The following CADM2 variants were observed in gnomAD, a reference collection of about 807,000 sequenced individuals.
CADM2 encodes cell adhesion molecule 2, also known as immunoglobulin superfamily member 4D.
In CADM2, 12 loss-of-function variants were observed where a neutral mutation model predicts 49.8. That is an observed-to-expected ratio of 0.24 (90% CI 0.15 to 0.39). The LOEUF (loss-of-function observed/expected upper bound fraction) is 0.39. CADM2 is among the 10% of genes least tolerant of loss of function. The pLI is 1.00. For synonymous variants in CADM2, 214 were observed against 175.4 expected, an observed-to-expected ratio of 1.22 and a Z score of -1.74; for missense variants, 378 against 492.3, an observed-to-expected ratio of 0.77 and a Z score of 2.20.
rs1420725040 is a variant in CADM2 at position 85,398,608 on chromosome 3, G to T, written c.62-327914G>T. On this transcript the variant is annotated intron_variant, in intron 1 of 9. Transcript: ENST00000383699. ...TGTCTTCCCCAATGGTTGAACTAGTGTACAGTCCCACCAACAGTGTAAAAG... is the reference window on the plus strand; with the variant it reads ...TGTCTTCCCCAATGGTTGAACTAGTTTACAGTCCCACCAACAGTGTAAAAG... Among the ~76,000 whole-genome samples, 4 of 152,222 alleles carry T rather than the reference G, an allele frequency of 2.6e-5. 1 individual carries two copies. In the East Asian group the frequency reaches 7.7e-4, roughly 29 times the overall value.
At chr3:85,144,418 C>G (rs2039670478) in intron 1 of CADM2, among the ~76,000 whole-genome samples, 1 of 151,614 alleles carries the variant, frequency 6.6e-6, no homozygotes, top group Admixed American at 6.6e-5. Context: ...CGTGACCAGC[C>G]CTGGCCAACG....
At chr3:85,785,306 C>A (rs1291699236) in intron 2 of CADM2, among the ~76,000 whole-genome samples, 1 of 151,904 alleles carries the variant, frequency 6.6e-6, no homozygotes, top group Non-Finnish European at 1.5e-5. Context: ...TTCTTTTATG[C>A]ACTAATTTTG....
intron 1 of CADM2, among the ~76,000 whole-genome samples, chr3:85,047,409 C>T (rs2035709343): frequency 6.6e-6 from 1 of 152,014 alleles, no homozygotes; most frequent in Non-Finnish European, 1.5e-5. Flanking sequence ...AGGAGGTCCC[C>T]AAGGCTATTT....
chr3:85,656,249 GAATA>G (rs1274283471), intron 1 of CADM2, among the ~76,000 whole-genome samples: 2 of 151,910 alleles, frequency 1.3e-5, no homozygotes, highest in African/African-American at 2.4e-5. Flanking sequence ...AATAAAAGTT[GAATA>G]AATAAAATTC....
intron 1 of CADM2, among the ~76,000 whole-genome samples, chr3:85,620,676 T>A (rs2063947355): frequency 6.6e-6 from 1 of 152,136 alleles, no homozygotes; most frequent in South Asian, 2.1e-4. Flanking sequence ...TGTAGACATA[T>A]GTGCAATCCT....
intron 3 of CADM2, among the ~76,000 whole-genome samples, chr3:85,857,275 A>G (rs2075354145): frequency 6.6e-6 from 1 of 152,126 alleles, no homozygotes; most frequent in Non-Finnish European, 1.5e-5. Context: ...TGAAACATTC[A>G]GTTCACTGTA....
chr3:85,141,441 TGAG>T lies in CADM2; in HGVS notation c.61+181777_61+181779del, dbSNP rs2039573331. ...AAACGTTTATTCTGTAGGAGATATTTGAGGAGTAGTAGTGATAGTAGTGGTTTT... is the reference window on the plus strand; with the variant it reads ...AAACGTTTATTCTGTAGGAGATATTTGAGTAGTAGTGATAGTAGTGGTTTT... On this transcript the variant is annotated intron_variant, in intron 1 of 9. Coordinates refer to ENST00000383699, the MANE Select transcript of CADM2 (RefSeq NM_001167675.2). 2.6e-5 allele frequency among the ~76,000 whole-genome samples: 4 copies of T among 152,280 alleles called. No individual in the cohort carries two copies. In the South Asian group the frequency reaches 8.3e-4, roughly 32 times the overall value.
intron 8 of CADM2, among the ~76,000 whole-genome samples, chr3:86,017,021 A>G (rs1231367714): frequency 6.6e-6 from 1 of 151,806 alleles, no homozygotes; most frequent in Non-Finnish European, 1.5e-5. Context: ...TACAATAATC[A>G]TTTTCTAACC....
chr3:85,887,562 C>CA (rs1001092549), intron 5 of CADM2, among the ~76,000 whole-genome samples: 4 of 151,716 alleles, frequency 2.6e-5, no homozygotes, highest in Non-Finnish European at 5.9e-5. Flanking sequence ...ATATTTTTCC[C>CA]AAAAAAGGTC....
At chr3:85,445,975 A>T (rs2037432003) in intron 1 of CADM2, among the ~76,000 whole-genome samples, 1 of 152,196 alleles carries the variant, frequency 6.6e-6, no homozygotes, top group African/African-American at 2.4e-5. Context: ...AAGCTTCTAC[A>T]AATATTTTAC....
At chr3:85,741,535 G>A (rs567650406) in intron 2 of CADM2, among the ~76,000 whole-genome samples, 17 of 150,454 alleles carry the variant, frequency 1.1e-4, no homozygotes, top group African/African-American at 3.5e-4. Context: ...GGGCATGGTG[G>A]TGCATGCCTG....
At chr3:85,581,570 G>A (rs1046239754) in intron 1 of CADM2, among the ~76,000 whole-genome samples, 4 of 152,010 alleles carry the variant, frequency 2.6e-5, no homozygotes, top group African/African-American at 9.7e-5. Context: ...TGTATTTGCA[G>A]CACAATTACA....
chr3:85,972,386 T>A (rs1435953355), intron 8 of CADM2, among the ~76,000 whole-genome samples: 3 of 151,768 alleles, frequency 2.0e-5, no homozygotes, highest in African/African-American at 7.2e-5. Flanking sequence ...CCTCAAGTTC[T>A]AACACTTCTA....
At chr3:85,096,031 C>G (rs1284579392) in intron 1 of CADM2, among the ~76,000 whole-genome samples, 5 of 151,980 alleles carry the variant, frequency 3.3e-5, no homozygotes, top group African/African-American at 1.2e-4. Flanking sequence ...AGTAAAAATT[C>G]TAGAGGGGAG....
intron 1 of CADM2, among the ~76,000 whole-genome samples, chr3:85,321,116 A>ATATATAT (rs2044596196): frequency 1.1e-4 from 3 of 27,502 alleles, no homozygotes; most frequent in African/African-American, 1.5e-4. Flanking sequence ...ATATATATAT[A>ATATATAT]TTTTTTTTTT....
At chr3:85,993,138 A>C (rs1728989832) in intron 8 of CADM2, 1 of 152,200 alleles carries the variant, frequency 6.6e-6, no homozygotes, top group Admixed American at 6.5e-5. Context: ...CAGGAGTTCA[A>C]GACCACCGTG....
intron 1 of CADM2, among the ~76,000 whole-genome samples, chr3:85,440,986 A>G (rs1226196082): frequency 6.6e-6 from 1 of 152,068 alleles, no homozygotes; most frequent in Non-Finnish European, 1.5e-5. Context: ...TAAATAATAA[A>G]AAGACATATT....
intron 1 of CADM2, among the ~76,000 whole-genome samples, chr3:85,114,936 T>G (rs2038589921): frequency 6.6e-6 from 1 of 152,164 alleles, no homozygotes; most frequent in African/African-American, 2.4e-5. Flanking sequence ...TAAAGAGTAT[T>G]CATATAATGG....
At chr3:85,457,238 C>T (rs570158888) in intron 1 of CADM2, among the ~76,000 whole-genome samples, 63 of 152,000 alleles carry the variant, frequency 4.1e-4, no homozygotes, top group Non-Finnish European at 8.2e-4. Context: ...CATGGCAAAA[C>T]ACCATCTCTA....
Sources: gnomAD v4.1 joint callset for allele counts (sites outside exome capture counted in the v4.1 genomes callset) on GRCh38, gnomAD v4.1.1 for gene constraint, MANE v1.5 for transcripts, NCBI Gene and HGNC (gene_info 2026-07-23, HGNC 2026-07-21) for gene names.